INPP4B: variants seen among roughly 807,000 people sequenced by gnomAD.
INPP4B encodes inositol polyphosphate-4-phosphatase type II B, also known as inositol polyphosphate 4-phosphatase type II.
INPP4B carries 55 observed loss-of-function variants against 122.5 expected under a neutral mutation model. That is an observed-to-expected ratio of 0.45 (90% CI 0.36 to 0.56). The LOEUF is 0.56. INPP4B is among the 20% of genes least tolerant of loss of function. The probability of loss-of-function intolerance (pLI) is 0.00; values close to 1 mark genes in which losing one functional copy is unlikely to be tolerated. For synonymous variants in INPP4B, 403 were observed against 388.7 expected (o/e 1.04, Z -0.43); for missense variants, 1,000 against 1,097.7 (o/e 0.91, Z 1.26).
At chr4:142,720,634 G>GT (rs200415489) in intron 2 of INPP4B, among the ~76,000 whole-genome samples, 3,581 of 145,712 alleles carry the variant, frequency 0.025, 53 homozygotes, top group Middle Eastern at 0.099. Flanking sequence ...TTTATTGTCT[G>GT]TTTTTTTTTC....
intron 2 of INPP4B, among the ~76,000 whole-genome samples, chr4:142,715,279 C>T (rs1405729679): frequency 2.6e-5 from 4 of 152,120 alleles, no homozygotes; most frequent in African/African-American, 9.7e-5. Context: ...TTGCAATGTC[C>T]AGTATGTTAG....
At chr4:142,328,847 C>A (rs578036973) in intron 7 of INPP4B, among the ~76,000 whole-genome samples, 1 of 152,172 alleles carries the variant, frequency 6.6e-6, no homozygotes, top group African/African-American at 2.4e-5. Flanking sequence ...GTCCTAAAAC[C>A]AAAAGTTTGA....
intron 2 of INPP4B, among the ~76,000 whole-genome samples, chr4:142,689,001 C>A (rs2150714266): frequency 6.6e-6 from 1 of 152,248 alleles, no homozygotes; most frequent in East Asian, 1.9e-4. Context: ...CTGATCCGAC[C>A]AATAGCGCTC....
intron 7 of INPP4B, among the ~76,000 whole-genome samples, chr4:142,315,390 A>G (rs1767163007): frequency 6.6e-6 from 1 of 152,042 alleles, no homozygotes; most frequent in South Asian, 2.1e-4. Context: ...TGGGAGGGGG[A>G]ATAATGTCAA....
chr4:142,600,015 T>C (rs1012286107), intron 2 of INPP4B, among the ~76,000 whole-genome samples: 3 of 152,118 alleles, frequency 2.0e-5, no homozygotes, highest in African/African-American at 7.2e-5. Flanking sequence ...GTCCTCATGA[T>C]ATATGAGAAA....
chr4:142,624,543 T>C (rs886266185), intron 2 of INPP4B, among the ~76,000 whole-genome samples: 10 of 151,700 alleles, frequency 6.6e-5, no homozygotes, highest in South Asian at 2.1e-4. Flanking sequence ...CCGAATTCTA[T>C]CAGAGGTACA....
chr4:142,183,776 T>C (rs1831925485), intron 15 of INPP4B, among the ~76,000 whole-genome samples: 1 of 152,190 alleles, frequency 6.6e-6, no homozygotes, highest in African/African-American at 2.4e-5. Context: ...ACTTCTAATT[T>C]ACAGAAAATA....
intron 2 of INPP4B, among the ~76,000 whole-genome samples, chr4:142,527,446 G>A (rs1282720664): frequency 1.3e-5 from 2 of 152,040 alleles, no homozygotes; most frequent in African/African-American, 2.4e-5. Flanking sequence ...GCAAGTAACA[G>A]TGAGAGTCAA....
At chr4:142,147,575 A>G (rs1419492545) in intron 17 of INPP4B, among the ~76,000 whole-genome samples, 1 of 152,134 alleles carries the variant, frequency 6.6e-6, no homozygotes, top group Non-Finnish European at 1.5e-5. Context: ...TACCTCACCA[A>G]GCTGCAATGG....
intron 2 of INPP4B, among the ~76,000 whole-genome samples, chr4:142,691,470 G>C (rs777524744): frequency 5.3e-5 from 8 of 151,676 alleles, no homozygotes; most frequent in Admixed American, 2.0e-4. Context: ...AAACTATGAT[G>C]TACCTTTATA....
chr4:142,340,899 A>G (rs144176261), intron 7 of INPP4B, among the ~76,000 whole-genome samples: 9 of 152,194 alleles, frequency 5.9e-5, no homozygotes, highest in Admixed American at 2.6e-4. Context: ...GAGAAAAAAA[A>G]CTGTAGATCT....
chr4:142,403,651 T>C (rs1041530636), intron 6 of INPP4B, among the ~76,000 whole-genome samples: 1 of 152,186 alleles, frequency 6.6e-6, no homozygotes, highest in East Asian at 1.9e-4. Flanking sequence ...GATATTTCAA[T>C]GCCTCAGAAT....
At chr4:142,429,280 T>C in intron 4 of INPP4B, 63 bp from the exon 5 acceptor site, 2 of 814,022 alleles carry the variant, frequency 2.5e-6, no homozygotes, top group Non-Finnish European at 4.1e-6. Flanking sequence ...TATGTCAATA[T>C]ATATTACTAT....
intron 8 of INPP4B, 22 bp downstream of exon 8, chr4:142,314,690 T>C: frequency 1.3e-6 from 2 of 1,599,644 alleles, no homozygotes; most frequent in South Asian, 2.3e-5. Context: ...GTGTGCCTTC[T>C]GGAAACGTTA....
At chr4:142,761,910 T>C (rs762632765) in intron 1 of INPP4B, among the ~76,000 whole-genome samples, 43 of 152,254 alleles carry the variant, frequency 2.8e-4, no homozygotes, top group Non-Finnish European at 5.9e-5. Context: ...GGGCCAGCTG[T>C]GTAGGTATGG....
intron 25 of INPP4B, among the ~76,000 whole-genome samples, chr4:142,073,086 T>C (rs1768492301): frequency 6.6e-6 from 1 of 152,090 alleles, no homozygotes; most frequent in Admixed American, 6.6e-5. Context: ...CCCTAAATAA[T>C]ACTATGGTAT....
intron 15 of INPP4B, among the ~76,000 whole-genome samples, chr4:142,188,518 A>AAAAAAAAAAAT (rs1834267141): frequency 9.5e-6 from 1 of 105,096 alleles, no homozygotes; most frequent in African/African-American, 3.3e-5. Context: ...AAAGAAAAAA[A>AAAAAAAAAAAT]ATATATATAG....
At position 142,125,223 on chromosome 4, in the gene INPP4B, T is replaced by G. The variant is rs552834145; in HGVS notation, c.1721-463A>C. Among the ~76,000 whole-genome samples, 3 of 152,166 alleles carry G rather than the reference T, an allele frequency of 2.0e-5. No homozygotes were observed. The East Asian group carries it at 5.8e-4, about 30-fold the overall frequency. On this transcript the variant is annotated intron_variant, in intron 18 of 25. Transcript: ENST00000262992. ...GTTTATTGCTCTCCCTTGGATTACT[T>G]CCTGGACTACTCCCTAACCCATCTC...
At chr4:142,128,772 T>C (rs1360145454) in intron 18 of INPP4B, among the ~76,000 whole-genome samples, 1 of 151,812 alleles carries the variant, frequency 6.6e-6, no homozygotes, top group Non-Finnish European at 1.5e-5. Flanking sequence ...GAACGGCTGC[T>C]GGGTGCCCCC....
Sources: gnomAD v4.1 joint callset for allele counts (sites outside exome capture counted in the v4.1 genomes callset) on GRCh38, gnomAD v4.1.1 for gene constraint, MANE v1.5 for transcripts, NCBI Gene and HGNC (gene_info 2026-07-23, HGNC 2026-07-21) for gene names.